The following SLC24A3 variants were observed in gnomAD, a reference collection of about 807,000 sequenced individuals.
SLC24A3 encodes sodium/potassium/calcium exchanger 3.
A neutral mutation model predicts 75.8 loss-of-function variants in SLC24A3; 28 were observed. That is an observed-to-expected ratio of 0.37 (90% CI 0.27 to 0.51). The LOEUF is 0.51. SLC24A3 is among the 20% of genes least tolerant of loss of function. The probability of loss-of-function intolerance (pLI) is 0.94; values close to 1 mark genes in which losing one functional copy is unlikely to be tolerated. For missense variants in SLC24A3, 663 were observed against 847.8 expected, an observed-to-expected ratio of 0.78 and a Z score of 2.71; for synonymous variants, 372 against 334.1, an observed-to-expected ratio of 1.11 and a Z score of -1.24.
At chr20:19,591,406 G>A (rs1021859813) in intron 6 of SLC24A3, among the ~76,000 whole-genome samples, 1 of 152,084 alleles carries the variant, frequency 6.6e-6, no homozygotes, top group Non-Finnish European at 1.5e-5. Flanking sequence ...AAGGAAAGTG[G>A]ACATCAGGTA....
chr20:19,389,346 G>A (rs1183885337), intron 2 of SLC24A3, among the ~76,000 whole-genome samples: 1 of 151,978 alleles, frequency 6.6e-6, no homozygotes, highest in Non-Finnish European at 1.5e-5. Flanking sequence ...TTTCATGTTA[G>A]TATTCTTTTG....
At chr20:19,526,147 T>C (rs909503475) in intron 3 of SLC24A3, among the ~76,000 whole-genome samples, 1 of 152,172 alleles carries the variant, frequency 6.6e-6, no homozygotes, top group African/African-American at 2.4e-5. Flanking sequence ...TCCTACCCAC[T>C]GAGCCATGAA....
Position 19,688,242 on chromosome 20 carries a change from G to T in SLC24A3, c.1324+2881G>T, listed in dbSNP as rs573662742. 7.9e-5 allele frequency among the ~76,000 whole-genome samples: 12 copies of T among 152,284 alleles called. 1 individual carries two copies. The highest frequency in any genetic ancestry group is 2.1e-4 in the South Asian group (1 of 4,832). On this transcript the variant is annotated intron_variant, in intron 12 of 16. Coordinates refer to ENST00000328041, the MANE Select transcript of SLC24A3 (RefSeq NM_020689.4). ...CTGCCCCCCATCCTGTGACACTGAC[G>T]CTGCTGGTCTGTGTGCCACACTTGG...
chr20:19,264,565 A>G (rs1983100315), intron 1 of SLC24A3, among the ~76,000 whole-genome samples: 2 of 151,780 alleles, frequency 1.3e-5, no homozygotes, highest in African/African-American at 4.8e-5. Context: ...TCTCTACTAA[A>G]ATAAAAAAAA....
intron 6 of SLC24A3, among the ~76,000 whole-genome samples, chr20:19,602,166 C>T (rs1453644127): frequency 6.6e-6 from 1 of 152,200 alleles, no homozygotes; most frequent in Non-Finnish European, 1.5e-5. Flanking sequence ...AAGAGCAAAA[C>T]TGTGTCTCAA....
chr20:19,706,780 A>G (rs1487407900), intron 15 of SLC24A3, among the ~76,000 whole-genome samples: 2 of 152,198 alleles, frequency 1.3e-5, no homozygotes, highest in African/African-American at 4.8e-5. Context: ...AAAGCACTGG[A>G]GCCTGACAAG....
At chr20:19,542,711 A>G (rs1340705217) in intron 3 of SLC24A3, among the ~76,000 whole-genome samples, 1 of 152,204 alleles carries the variant, frequency 6.6e-6, no homozygotes. Flanking sequence ...GAATGTACCC[A>G]AGAGATTGAG....
At chr20:19,463,359 C>A (rs1987710011) in intron 2 of SLC24A3, among the ~76,000 whole-genome samples, 1 of 152,226 alleles carries the variant, frequency 6.6e-6, no homozygotes, top group Admixed American at 6.5e-5. Flanking sequence ...GCCCACCAGT[C>A]TCTCGATCCG....
chr20:19,578,220 T>C (rs2031168567), intron 3 of SLC24A3, among the ~76,000 whole-genome samples: 1 of 152,146 alleles, frequency 6.6e-6, no homozygotes, highest in Non-Finnish European at 1.5e-5. Flanking sequence ...ATTTTGATTT[T>C]AGACTGGAGC....
chr20:19,500,557 T>C (rs761276517), intron 2 of SLC24A3, among the ~76,000 whole-genome samples: 2 of 152,208 alleles, frequency 1.3e-5, no homozygotes, highest in African/African-American at 2.4e-5. Flanking sequence ...ATTGAAAGGG[T>C]CATTTTCTAA....
At chr20:19,595,483 T>G (rs1348646415) in intron 6 of SLC24A3, among the ~76,000 whole-genome samples, 24 of 152,138 alleles carry the variant, frequency 1.6e-4, no homozygotes, top group Admixed American at 1.6e-3. Context: ...GGTAGTCAGA[T>G]GGATGCATGG....
chr20:19,546,279 C>T (rs2030594493), intron 3 of SLC24A3, among the ~76,000 whole-genome samples: 1 of 149,910 alleles, frequency 6.7e-6, no homozygotes, highest in African/African-American at 2.5e-5. Flanking sequence ...AATGAGTCTT[C>T]ATCCTCTCTC....
chr20:19,335,746 C>T (rs1351939313), intron 2 of SLC24A3, among the ~76,000 whole-genome samples: 2 of 152,156 alleles, frequency 1.3e-5, no homozygotes, highest in Non-Finnish European at 2.9e-5. Context: ...TTATTCACAC[C>T]TGTTTCTGAA....
intron 6 of SLC24A3, among the ~76,000 whole-genome samples, chr20:19,596,517 G>A (rs1434706184): frequency 1.3e-5 from 2 of 152,228 alleles, no homozygotes; most frequent in Admixed American, 1.3e-4. Context: ...TGACCGTTAT[G>A]AGTCAGATCC....
At chr20:19,437,780 GCTC>G (rs1476191512) in intron 2 of SLC24A3, among the ~76,000 whole-genome samples, 13 of 152,164 alleles carry the variant, frequency 8.5e-5, no homozygotes, top group African/African-American at 3.1e-4. Flanking sequence ...GAGCTCCTGT[GCTC>G]CTCAAGTGCG....
chr20:19,614,429 G>T (rs2031709931), intron 6 of SLC24A3, among the ~76,000 whole-genome samples: 1 of 152,176 alleles, frequency 6.6e-6, no homozygotes, highest in South Asian at 2.1e-4. Context: ...TGCAGGGCTG[G>T]GCCCCAGCCC....
chr20:19,620,059 A>G (rs2031784061), intron 6 of SLC24A3, among the ~76,000 whole-genome samples: 1 of 152,024 alleles, frequency 6.6e-6, no homozygotes, highest in Admixed American at 6.6e-5. Context: ...GAGGAACTGG[A>G]CCACTTTTTT....
At chr20:19,407,357 C>T (rs1458196678) in intron 2 of SLC24A3, among the ~76,000 whole-genome samples, 8 of 152,150 alleles carry the variant, frequency 5.3e-5, no homozygotes, top group Non-Finnish European at 2.9e-5. Context: ...GGTGCTGTGT[C>T]CTCATTCCTG....
intron 3 of SLC24A3, among the ~76,000 whole-genome samples, chr20:19,578,997 G>T (rs1466736832): frequency 6.6e-6 from 1 of 152,104 alleles, no homozygotes; most frequent in Non-Finnish European, 1.5e-5. Context: ...GGCTCCCTTT[G>T]GCAAAAAGTA....
Sources: allele counts gnomAD v4.1 joint callset (sites outside exome capture counted in the v4.1 genomes callset), GRCh38; gene constraint gnomAD v4.1.1; transcripts MANE v1.5; gene names NCBI Gene and HGNC (gene_info 2026-07-23, HGNC 2026-07-21).